Variants in FAR2 observed in about 807,000 individuals in gnomAD.
FAR2 encodes the protein fatty acyl-CoA reductase 2, also known as epididymis secretory protein Li 81.
In FAR2, 19 loss-of-function variants were observed where a neutral mutation model predicts 56.0. The observed-to-expected ratio is 0.34, with a 90% confidence interval of 0.24 to 0.50. FAR2 has a LOEUF of 0.50. Among genes scored for constraint, FAR2 ranks in the 20% least tolerant of loss-of-function variants. FAR2 has a pLI of 0.98. For missense variants in FAR2, 508 were observed against 642.2 expected, an observed-to-expected ratio of 0.79 and a Z score of 2.26; for synonymous variants, 219 against 218.8, an observed-to-expected ratio of 1.00 and a Z score of -0.01.
At chr12:29,285,176 C>A (rs367831029) in intron 2 of FAR2, among the ~76,000 whole-genome samples, 2 of 151,770 alleles carry the variant, frequency 1.3e-5, no homozygotes, top group Admixed American at 1.3e-4. Flanking sequence ...TTTTCAGACT[C>A]TTTTGTAGGG....
At chr12:29,166,331 T>G (rs1949827699) in intron 1 of FAR2, among the ~76,000 whole-genome samples, 1 of 152,230 alleles carries the variant, frequency 6.6e-6, no homozygotes, top group Non-Finnish European at 1.5e-5. Context: ...TAAATTACAT[T>G]TAACACTCCT....
intron 2 of FAR2, 101 bp from the exon 3 acceptor site, chr12:29,293,198 TA>T: frequency 2.0e-6 from 2 of 1,012,972 alleles, no homozygotes; most frequent in Non-Finnish European, 2.7e-6. Context: ...TTATTACAAC[TA>T]AAACCAGTTT....
chr12:29,300,587 G>A (rs1286920727), intron 4 of FAR2, among the ~76,000 whole-genome samples: 2 of 152,158 alleles, frequency 1.3e-5, no homozygotes, highest in African/African-American at 4.8e-5. Context: ...TCCCCTGGGA[G>A]TTTTCCTTTC....
chr12:29,281,441 C>T (rs1948781718), intron 2 of FAR2: 1 of 152,108 alleles, frequency 6.6e-6, no homozygotes, highest in Non-Finnish European at 1.5e-5. Context: ...GTGGCTCCAT[C>T]CTCTGGAAAG....
rs369741314 is a variant in FAR2, at chr12:29,270,409, C to T, written c.-38-3C>T. On this transcript the variant is annotated splice_polypyrimidine_tract_variant and splice_region_variant and intron_variant, in intron 1 of 11. Coordinates refer to ENST00000536681, the MANE Select transcript of FAR2 (RefSeq NM_001271783.2). The stretch of plus-strand genomic sequence containing the variant: ...ATCTTTTGTTATTTCTCTTCCTTTT[C>T]AGGAACCTCTTTCAGGAGCTATAAA... 36 of 1,477,464 alleles carry T rather than the reference C, an allele frequency of 2.4e-5. No individual in the cohort carries two copies. The African/African-American group carries it at 4.4e-4, about 18-fold the overall frequency. 91.5% of individuals were successfully genotyped at this position (1,477,464 alleles called of 1,614,324 possible). A position where few individuals can be genotyped will look rare whatever the true frequency, so the allele number is the denominator to read the frequency against.
At chr12:29,261,137 A>G (rs1334711105) in intron 1 of FAR2, among the ~76,000 whole-genome samples, 3 of 152,216 alleles carry the variant, frequency 2.0e-5, no homozygotes, top group African/African-American at 7.2e-5. Flanking sequence ...AGGAAAACAT[A>G]ACCTCACTAA....
chr12:29,270,464 A>G lies in FAR2; in HGVS notation c.15A>G (p.Ala5=). The G allele has an allele frequency of 1.9e-6, 3 of 1,587,462 alleles. No homozygotes were observed. Among genetic ancestry groups the G allele is most frequent in the Non-Finnish European group, 2.6e-6 (3 of 1,161,332 alleles). ...AGGGAGGAATCATGTCCACAATTGC[A>G]GCTTTCTATGGCGGCAAGTCCATTC... The part of the protein sequence containing the change: MSTI[A]AFYGGKSILI... The change falls in exon 2 of 12, where the codon GCA becomes GCG. Residue 5 remains alanine (A), a synonymous_variant. Coordinates refer to ENST00000536681, the MANE Select transcript of FAR2 (RefSeq NM_001271783.2).
chr12:29,167,291 C>A (rs1409416970), intron 1 of FAR2, among the ~76,000 whole-genome samples: 1 of 152,154 alleles, frequency 6.6e-6, no homozygotes, highest in Non-Finnish European at 1.5e-5. Flanking sequence ...TTTAAATTAA[C>A]ATTATATGAT....
chr12:29,256,962 G>A (rs1280190748), intron 1 of FAR2, among the ~76,000 whole-genome samples: 4 of 152,144 alleles, frequency 2.6e-5, no homozygotes, highest in Non-Finnish European at 5.9e-5. Flanking sequence ...CAGCCTCCTC[G>A]ACGAGCGCCA....
At chr12:29,289,188 AC>A (rs138810069) in intron 2 of FAR2, among the ~76,000 whole-genome samples, 6,438 of 152,252 alleles carry the variant, frequency 0.042, 447 homozygotes, top group African/African-American at 0.15. Context: ...ATAGAAAAAA[AC>A]AATCCTAAAA....
chr12:29,303,048 T>A (rs774348812), intron 4 of FAR2, among the ~76,000 whole-genome samples: 4 of 152,238 alleles, frequency 2.6e-5, no homozygotes, highest in Admixed American at 6.5e-5. Context: ...TTTTACTCCA[T>A]GAAGCAATGC....
At chr12:29,198,314 C>T (rs1363787370) in intron 1 of FAR2, among the ~76,000 whole-genome samples, 1 of 152,118 alleles carries the variant, frequency 6.6e-6, no homozygotes, top group Non-Finnish European at 1.5e-5. Flanking sequence ...CTGCAAGCCC[C>T]ACCTCCCAGG....
intron 3 of FAR2, among the ~76,000 whole-genome samples, chr12:29,293,785 A>G (rs1478443444): frequency 6.6e-6 from 1 of 152,188 alleles, no homozygotes; most frequent in Admixed American, 6.5e-5. Context: ...TTGTCAATAA[A>G]TATTCTATTA....
chr12:29,232,818 C>CGT (rs1334152460), intron 1 of FAR2, among the ~76,000 whole-genome samples: 4,048 of 146,014 alleles, frequency 0.028, 185 homozygotes, highest in African/African-American at 0.1. Flanking sequence ...CATACGCGCT[C>CGT]GCGCACACAC....
chr12:29,204,520 G>A (rs1004594309), intron 1 of FAR2, among the ~76,000 whole-genome samples: 2 of 152,194 alleles, frequency 1.3e-5, no homozygotes, highest in Admixed American at 6.5e-5. Flanking sequence ...TCTTTGTAAG[G>A]TGTGGTCTCC....
chr12:29,299,349 C>T (rs184382778), intron 4 of FAR2, among the ~76,000 whole-genome samples: 95 of 152,182 alleles, frequency 6.2e-4, no homozygotes, highest in Non-Finnish European at 1.2e-3. Context: ...CCCTAGGTTT[C>T]AAAGAAGAAT....
chr12:29,223,221 G>A (rs1029593215), intron 1 of FAR2, among the ~76,000 whole-genome samples: 5 of 152,240 alleles, frequency 3.3e-5, no homozygotes, highest in African/African-American at 1.2e-4. Context: ...ATTATAATAT[G>A]TCAGGTTTGT....
chr12:29,160,914 T>C (rs146715067), intron 1 of FAR2, among the ~76,000 whole-genome samples: 174 of 152,242 alleles, frequency 1.1e-3, no homozygotes, highest in South Asian at 2.3e-3. Context: ...GTACTGAGGT[T>C]TAGGACTTCA....
chr12:29,167,916 A>G (rs1949845150), intron 1 of FAR2, among the ~76,000 whole-genome samples: 1 of 152,232 alleles, frequency 6.6e-6, no homozygotes, highest in Admixed American at 6.5e-5. Context: ...AACTTTAAGG[A>G]TAGTGATGGG....
Sources: gnomAD v4.1 joint callset for allele counts (sites outside exome capture counted in the v4.1 genomes callset) on GRCh38, gnomAD v4.1.1 for gene constraint, MANE v1.5 for transcripts, NCBI Gene and HGNC (gene_info 2026-07-23, HGNC 2026-07-21) for gene names.